Variants in GNG4 observed in about 807,000 individuals in gnomAD.
GNG4 encodes G protein subunit gamma 4, also known as guanine nucleotide-binding protein G(I)/G(S)/G(O) subunit gamma-4.
A neutral mutation model predicts 5.8 loss-of-function variants in GNG4; 4 were observed. The ratio of observed to expected loss-of-function variants is 0.69; its 90% CI spans 0.34 to 1.57. The LOEUF is 1.57. Ranked by LOEUF, GNG4 falls within the 40% of genes most tolerant of loss-of-function variation. The probability of loss-of-function intolerance (pLI) is 0.06; values close to 1 mark genes in which losing one functional copy is unlikely to be tolerated. For synonymous variants in GNG4, 29 were observed against 32.9 expected (o/e 0.88, Z 0.41); for missense variants, 96 against 95.1 (o/e 1.01, Z -0.04).
At chr1:235,567,023 CCT>C (rs1687213976) in intron 3 of GNG4, 1 of 151,892 alleles carries the variant, frequency 6.6e-6, no homozygotes, top group Non-Finnish European at 1.5e-5. Context: ...CTCAAAGCAG[CCT>C]CTGTCTTCTG....
chr1:235,576,728 C>G (rs898880099), intron 3 of GNG4, among the ~76,000 whole-genome samples: 1 of 152,002 alleles, frequency 6.6e-6, no homozygotes, highest in Non-Finnish European at 1.5e-5. Context: ...GGAGAAGGGC[C>G]AAGTAGCAGG....
rs1686770175 is a variant in GNG4, at chr1:235,552,177, G to C, written c.160C>G (p.Leu54Val). The change falls in exon 4 of 4, where the codon CTC becomes GTC. Residue 54 changes from leucine to valine, a missense_variant. Coordinates refer to ENST00000391854, the MANE Select transcript of GNG4 (RefSeq NM_001098722.2). ...TCTGATGCAGGCACTGGAATGATGA[G>C]AGGATCTTCCCGCACGTGAGCTTCA... is the stretch of plus-strand genomic sequence containing the variant. The part of the protein sequence containing the change: ...YCEAHVREDP[L>V]IIPVPASENP... The C allele has an allele frequency of 6.2e-7, 1 of 1,613,744 alleles. No individual in the cohort carries two copies. Among genetic ancestry groups the C allele is most frequent in the Non-Finnish European group, 8.5e-7 (1 of 1,179,608 alleles).
intron 2 of GNG4, among the ~76,000 whole-genome samples, chr1:235,593,307 T>C (rs920050321): frequency 1.1e-4 from 17 of 152,300 alleles, no homozygotes; most frequent in South Asian, 8.3e-4. Context: ...AAATACAAAG[T>C]TGGGGCTGGG....
chr1:235,558,612 A>T (rs1686979430), intron 3 of GNG4, among the ~76,000 whole-genome samples: 1 of 152,184 alleles, frequency 6.6e-6, no homozygotes, highest in Non-Finnish European at 1.5e-5. Flanking sequence ...TTCAACACGT[A>T]CCAAATAGGG....
Position 235,577,118 on chromosome 1 carries a change from T to TC in GNG4, c.99+6621dup, listed in dbSNP as rs535578566. Among the ~76,000 whole-genome samples the TC allele has an allele frequency of 5.9e-5, 9 of 152,250 alleles. 1 individual carries two copies. The South Asian group carries it at 1.9e-3, about 32-fold the overall frequency. ...TTCCTTCCTTCCTCCTTAGAAACTC[T>TC]CCTGAGCACAATAAGCTACAGAGCC... On this transcript the variant is annotated intron_variant, in intron 3 of 3. Transcript: ENST00000391854.
At chr1:235,630,571 G>A (rs112279453) in intron 1 of GNG4, among the ~76,000 whole-genome samples, 2 of 152,190 alleles carry the variant, frequency 1.3e-5, no homozygotes, top group African/African-American at 4.8e-5. Context: ...GCAATTCAAG[G>A]CCTCTGGAGC....
At chr1:235,607,903 TCC>T (rs1457751817) in intron 1 of GNG4, among the ~76,000 whole-genome samples, 3 of 151,564 alleles carry the variant, frequency 2.0e-5, no homozygotes, top group Non-Finnish European at 2.9e-5. Context: ...GGTGACTCCA[TCC>T]TCTGGGACCA....
In GNG4 at chr1:235,570,945, C is replaced by CACAT. The variant is rs535079462; in HGVS notation, c.99+12794_99+12795insATGT. 3.9e-3 allele frequency among the ~76,000 whole-genome samples: 455 copies of CACAT among 115,484 alleles called. 2 individuals carry two copies. Among genetic ancestry groups the CACAT allele is most frequent in the Non-Finnish European group, 5.6e-3 (334 of 60,048 alleles). The allele number at this position is 115,484 out of a possible 152,430, so 75.8% of individuals were successfully genotyped here. A position where few individuals can be genotyped will look rare whatever the true frequency, so the allele number is the denominator to read the frequency against. ...ATATACACACACACACACACACACA[C>CACAT]ATATATATATACATACCTTTTTTTT... On this transcript the variant is annotated intron_variant, in intron 3 of 3. Transcript: ENST00000391854.
At chr1:235,584,031 G>T (rs1687705849) in intron 2 of GNG4, among the ~76,000 whole-genome samples, 183 bp from the exon 3 acceptor site, 1 of 152,194 alleles carries the variant, frequency 6.6e-6, no homozygotes, top group Non-Finnish European at 1.5e-5. Flanking sequence ...AGAGGAGCAA[G>T]ACATGATGCT....
chr1:235,641,094 A>G (rs1657313148), intron 1 of GNG4, among the ~76,000 whole-genome samples: 1 of 152,240 alleles, frequency 6.6e-6, no homozygotes, highest in Admixed American at 6.5e-5. Context: ...TTGGGCATAA[A>G]TTAATCTGTA....
chr1:235,560,956 G>A (rs888460551), intron 3 of GNG4, among the ~76,000 whole-genome samples: 1 of 152,078 alleles, frequency 6.6e-6, no homozygotes, highest in African/African-American at 2.4e-5. Context: ...GTTTTCATAC[G>A]CTTATTTTCC....
chr1:235,587,599 G>GTT (rs1558486325), intron 2 of GNG4, among the ~76,000 whole-genome samples: 24 of 1,108 alleles, frequency 0.022, no homozygotes, highest in South Asian at 0.062. Context: ...GTGAGTGTGG[G>GTT]AGGGCATGGG....
chr1:235,595,689 C>A (rs538700423), intron 1 of GNG4, among the ~76,000 whole-genome samples, 178 bp from the exon 2 acceptor site: 1 of 152,226 alleles, frequency 6.6e-6, no homozygotes, highest in East Asian at 1.9e-4. Flanking sequence ...AGACAGAGAA[C>A]CCTCAGATCT....
At chr1:235,647,112 G>A (rs1571932129) in intron 1 of GNG4, among the ~76,000 whole-genome samples, 2 of 152,012 alleles carry the variant, frequency 1.3e-5, no homozygotes, top group South Asian at 4.2e-4. Flanking sequence ...CTGTTGATAG[G>A]TTATTTATGT....
At position 235,638,290 on chromosome 1, in the gene GNG4, T is replaced by C. The variant is rs59589136; in HGVS notation, c.-123+11372A>G. 7.8e-3 allele frequency among the ~76,000 whole-genome samples: 1,190 copies of C among 152,280 alleles called. 19 individuals are homozygous for C. Among genetic ancestry groups the C allele is most frequent in the African/African-American group, 0.027 (1,122 of 41,554 alleles). ...CTATTGTGGCTACAACACATTACCATATATTTATGGCTTAAAACAATGCAG... is the reference window on the plus strand; with the variant it reads ...CTATTGTGGCTACAACACATTACCACATATTTATGGCTTAAAACAATGCAG... On this transcript the variant is annotated intron_variant, in intron 1 of 3. Coordinates refer to ENST00000391854, the MANE Select transcript of GNG4 (RefSeq NM_001098722.2).
chr1:235,636,731 C>T (rs948183557), intron 1 of GNG4, among the ~76,000 whole-genome samples: 6 of 152,130 alleles, frequency 3.9e-5, no homozygotes, highest in African/African-American at 1.2e-4. Context: ...TACTGACAGG[C>T]GATGGCATGC....
chr1:235,647,589 A>T (rs1657544599), intron 1 of GNG4, among the ~76,000 whole-genome samples: 5 of 152,146 alleles, frequency 3.3e-5, no homozygotes, highest in Admixed American at 3.3e-4. Context: ...CACATTTTAC[A>T]GTGTTCCTGC....
intron 1 of GNG4, among the ~76,000 whole-genome samples, chr1:235,623,204 A>G (rs964345434): frequency 2.0e-5 from 3 of 152,094 alleles, no homozygotes; most frequent in African/African-American, 7.2e-5. Context: ...CCACTGTGCA[A>G]TTCTGAACTG....
At chr1:235,645,797 C>CAAAAAAAAAAAAA (rs6143682) in intron 1 of GNG4, among the ~76,000 whole-genome samples, 17 of 90,384 alleles carry the variant, frequency 1.9e-4, no homozygotes, top group African/African-American at 6.5e-4. Context: ...AACTCAGTCT[C>CAAAAAAAAAAAAA]AAAAAAAAAA....
Sources: allele counts gnomAD v4.1 joint callset (sites outside exome capture counted in the v4.1 genomes callset), GRCh38; gene constraint gnomAD v4.1.1; transcripts MANE v1.5; gene names NCBI Gene and HGNC (gene_info 2026-07-23, HGNC 2026-07-21).